ADAMTS12: variants seen among roughly 807,000 people sequenced by gnomAD.
ADAMTS12 encodes ADAM metallopeptidase with thrombospondin type 1 motif 12.
A neutral mutation model predicts 167.8 loss-of-function variants in ADAMTS12; 118 were observed. The observed-to-expected ratio is 0.70, with a 90% CI of 0.61 to 0.82. The LOEUF (loss-of-function observed/expected upper bound fraction) is 0.82. Among genes scored for constraint, ADAMTS12 ranks in the 40% least tolerant of loss-of-function variants. ADAMTS12 has a pLI of 0.00. For missense variants in ADAMTS12, 1,916 were observed against 1,998.8 expected, an observed-to-expected ratio of 0.96 and a Z score of 0.79; for synonymous variants, 704 against 716.9, an observed-to-expected ratio of 0.98 and a Z score of 0.29.
At chr5:33,790,569 A>T (rs929682356) in intron 2 of ADAMTS12, among the ~76,000 whole-genome samples, 6 of 150,532 alleles carry the variant, frequency 4.0e-5, no homozygotes, top group African/African-American at 7.3e-5. Context: ...AAAAAAAAAA[A>T]AAGAAAAAAG....
chr5:33,787,868 C>T (rs1471156070), intron 2 of ADAMTS12, among the ~76,000 whole-genome samples: 1 of 150,436 alleles, frequency 6.6e-6, no homozygotes, highest in Admixed American at 6.5e-5. Flanking sequence ...GCTGTTTTCT[C>T]GTGACTCTTC....
At chr5:33,531,943 G>A (rs1579626859) in intron 23 of ADAMTS12, among the ~76,000 whole-genome samples, 2 of 152,308 alleles carry the variant, frequency 1.3e-5, no homozygotes, top group South Asian at 4.1e-4. Flanking sequence ...TCATTTAGAT[G>A]ATGACCGTGA....
At chr5:33,636,610 T>C (rs1740206273) in intron 12 of ADAMTS12, among the ~76,000 whole-genome samples, 1 of 152,212 alleles carries the variant, frequency 6.6e-6, no homozygotes, top group Non-Finnish European at 1.5e-5. Flanking sequence ...AAGTCATTGT[T>C]CTAACAGCCC....
In ADAMTS12 at chr5:33,694,255, C is replaced by A. The variant is rs184417684; in HGVS notation, c.635-10200G>T. Among the ~76,000 whole-genome samples the A allele has an allele frequency of 6.7e-4, 102 of 152,252 alleles. 2 individuals are homozygous for A. The highest frequency in any genetic ancestry group is 5.4e-3 in the Admixed American group (83 of 15,302). On this transcript the variant is annotated intron_variant, in intron 3 of 23. Coordinates refer to ENST00000504830, the MANE Select transcript of ADAMTS12 (RefSeq NM_030955.4). ...CAAAGCAATTTAAAAATTCAAATTT[C>A]TTCTCTAATTCTTTTATTAATGTCT...
chr5:33,744,271 AAGT>A (rs1276759230), intron 3 of ADAMTS12, among the ~76,000 whole-genome samples: 6 of 152,182 alleles, frequency 3.9e-5, no homozygotes, highest in African/African-American at 1.4e-4. Context: ...CTCACAGAAT[AAGT>A]AGAAGTCACT....
intron 5 of ADAMTS12, among the ~76,000 whole-genome samples, chr5:33,662,604 G>A (rs1331579285): frequency 1.3e-5 from 2 of 152,178 alleles, no homozygotes; most frequent in Non-Finnish European, 2.9e-5. Context: ...CTGACAACAA[G>A]TAGGATGCTG....
At chr5:33,823,960 T>C (rs1259423174) in intron 2 of ADAMTS12, among the ~76,000 whole-genome samples, 4 of 152,208 alleles carry the variant, frequency 2.6e-5, no homozygotes, top group Non-Finnish European at 5.9e-5. Context: ...TATGCATACA[T>C]GTATCAAATC....
intron 2 of ADAMTS12, among the ~76,000 whole-genome samples, chr5:33,869,327 A>G (rs1749949699): frequency 6.6e-6 from 1 of 152,080 alleles, no homozygotes; most frequent in Admixed American, 6.6e-5. Context: ...GCAATAGCTG[A>G]GGACTGGGGA....
At chr5:33,616,679 A>G (rs1225511581) in intron 14 of ADAMTS12, among the ~76,000 whole-genome samples, 1 of 152,244 alleles carries the variant, frequency 6.6e-6, no homozygotes, top group Non-Finnish European at 1.5e-5. Context: ...TCTATTCATT[A>G]GAAAGTTTTC....
intron 2 of ADAMTS12, among the ~76,000 whole-genome samples, chr5:33,837,115 T>C (rs1748558630): frequency 6.6e-6 from 1 of 152,160 alleles, no homozygotes; most frequent in African/African-American, 2.4e-5. Flanking sequence ...AGCCCCACTG[T>C]GTGCTTTAAA....
chr5:33,794,437 A>G (rs927830981), intron 2 of ADAMTS12, among the ~76,000 whole-genome samples: 2 of 152,168 alleles, frequency 1.3e-5, no homozygotes, highest in African/African-American at 4.8e-5. Flanking sequence ...GATGGTGCTG[A>G]GCCGGTGAGC....
intron 2 of ADAMTS12, among the ~76,000 whole-genome samples, chr5:33,868,256 A>T (rs1657029937): frequency 6.6e-6 from 1 of 152,230 alleles, no homozygotes; most frequent in Non-Finnish European, 1.5e-5. Context: ...AAAATGTGGA[A>T]GTGACTTTGG....
At position 33,548,896 on chromosome 5, in the gene ADAMTS12, C is replaced by T. The variant is rs541547769; in HGVS notation, c.4302+311G>A. ...TCAGATTCGTCCTTGTTCAAATCAT[C>T]CCATTGCGTTCATTTTCCCTGCAAG... On this transcript the variant is annotated intron_variant, in intron 21 of 23. Transcript: ENST00000504830. Among the ~76,000 whole-genome samples the T allele has an allele frequency of 8.5e-5, 13 of 152,300 alleles. No individual in the cohort carries two copies. In the South Asian group the frequency reaches 2.5e-3, roughly 29 times the overall value.
intron 3 of ADAMTS12, among the ~76,000 whole-genome samples, chr5:33,727,340 C>A (rs1364917307): frequency 6.6e-6 from 1 of 152,124 alleles, no homozygotes; most frequent in Non-Finnish European, 1.5e-5. Flanking sequence ...CTCCTTGTTT[C>A]TTCTCCTCCA....
intron 5 of ADAMTS12, among the ~76,000 whole-genome samples, chr5:33,676,683 T>TACACACACAC (rs141431526): frequency 0.079 from 10,786 of 135,900 alleles, 728 homozygotes; most frequent in East Asian, 0.27. Flanking sequence ...CTGTCTATCT[T>TACACACACAC]ACACACACAC....
At chr5:33,708,852 G>A (rs12520773) in intron 3 of ADAMTS12, among the ~76,000 whole-genome samples, 92,791 of 151,828 alleles carry the variant, frequency 0.61, 29,532 homozygotes, top group Non-Finnish European at 0.69. Flanking sequence ...TGTAGATAAC[G>A]GGTCGATGTG....
chr5:33,759,252 C>A (rs1454898552), intron 2 of ADAMTS12, among the ~76,000 whole-genome samples: 1 of 152,216 alleles, frequency 6.6e-6, no homozygotes, highest in Non-Finnish European at 1.5e-5. Context: ...CAACAGACTT[C>A]ATTTCCAAGT....
At chr5:33,654,683 T>C (rs563532847) in intron 7 of ADAMTS12, among the ~76,000 whole-genome samples, 132 of 152,302 alleles carry the variant, frequency 8.7e-4, no homozygotes, top group African/African-American at 3.1e-3. Context: ...GATGCTTTGT[T>C]ATAGCTTCAC....
chr5:33,645,839 G>A (rs1372632143), intron 9 of ADAMTS12, among the ~76,000 whole-genome samples: 3 of 152,122 alleles, frequency 2.0e-5, no homozygotes, highest in Non-Finnish European at 4.4e-5. Flanking sequence ...TATCTGTTGG[G>A]TGCCTACTAT....
Sources: gnomAD v4.1 joint callset for allele counts (sites outside exome capture counted in the v4.1 genomes callset) on GRCh38, gnomAD v4.1.1 for gene constraint, MANE v1.5 for transcripts, NCBI Gene and HGNC (gene_info 2026-07-23, HGNC 2026-07-21) for gene names.